Variants in ZSWIM2 observed in about 807,000 individuals in gnomAD.
ZSWIM2 encodes the protein E3 ubiquitin-protein ligase ZSWIM2.
A neutral mutation model predicts 48.4 loss-of-function variants in ZSWIM2; 38 were observed. That is an observed-to-expected ratio of 0.79 (90% CI 0.61 to 1.03). The LOEUF (loss-of-function observed/expected upper bound fraction) is 1.03. Ranked by LOEUF, ZSWIM2 falls within the 50% of genes least tolerant of loss-of-function variation. ZSWIM2 has a pLI of 0.00. For missense variants in ZSWIM2, 776 were observed against 730.2 expected (o/e 1.06, Z -0.72); for synonymous variants, 240 against 251.3 (o/e 0.96, Z 0.42).
At chr2:186,848,862 A>G (rs752418569) in intron 1 of ZSWIM2, 104 bp downstream of exon 1, 1 of 1,465,734 alleles carries the variant, frequency 6.8e-7, no homozygotes, top group South Asian at 1.2e-5. Flanking sequence ...GGCAGCAAGT[A>G]TCCGCAGAGA....
In ZSWIM2 at chr2:186,837,527, T is replaced by G. The variant is rs746050170; in HGVS notation, c.522A>C (p.Ile174=). 4.3e-6 allele frequency: 7 copies of G among 1,610,884 alleles called. No homozygotes were observed. In the East Asian group the frequency reaches 1.6e-4, roughly 36 times the overall value. ...AATTAGCTAAGATCTTCATGCATTT[T>G]ATATGAATACTATTGCCACAGCCAA... ...CRFGCGNSIH[I]KCMKILANYQ... Residue 174 remains isoleucine, a synonymous_variant, in exon 5 of 9, where the codon ATA becomes ATC. Coordinates refer to ENST00000295131, the MANE Select transcript of ZSWIM2 (RefSeq NM_182521.3).
chr2:186,845,287 C>T (rs1691977702), intron 2 of ZSWIM2, among the ~76,000 whole-genome samples: 1 of 151,290 alleles, frequency 6.6e-6, no homozygotes, highest in South Asian at 2.1e-4. Flanking sequence ...ATATGAAGCA[C>T]TTTGATTATA....
Position 186,828,130 on chromosome 2 carries a change from C to A in ZSWIM2, c.1756G>T (p.Ala586Ser). The A allele has an allele frequency of 6.2e-7, 1 of 1,613,524 alleles. No homozygotes were observed. Among genetic ancestry groups the A allele is most frequent in the Non-Finnish European group, 8.5e-7 (1 of 1,179,708 alleles). ...DFNLIVNWST[A>S]KLSLSKRYSN... ...TACCTTTTAGACAAACTAAGTTTAG[C>A]TGTGCTCCAATTGACAATAAGATTG... Residue 586 changes from alanine (A) to serine (S), a missense_variant, in exon 9 of 9, where the codon GCT becomes TCT. Transcript: ENST00000295131.
At chr2:186,842,439 C>G (rs1159840390) in intron 3 of ZSWIM2, among the ~76,000 whole-genome samples, 1 of 151,230 alleles carries the variant, frequency 6.6e-6, no homozygotes, top group African/African-American at 2.4e-5. Context: ...TATAAACTCT[C>G]AAATTATAAA....
At chr2:186,829,008 CTT>C (rs1292733159) in intron 8 of ZSWIM2, among the ~76,000 whole-genome samples, 9 of 151,960 alleles carry the variant, frequency 5.9e-5, no homozygotes, top group Non-Finnish European at 1.2e-4. Flanking sequence ...AATGCAAAGA[CTT>C]TTATGGATAG....
chr2:186,829,626 C>G (rs1378829651), intron 8 of ZSWIM2, 101 bp downstream of exon 8: 7 of 1,249,910 alleles, frequency 5.6e-6, no homozygotes, highest in Non-Finnish European at 6.7e-6. Context: ...CACCTCTGTA[C>G]AGAGCACAAC....
chr2:186,835,434 C>G (rs1691776437), intron 5 of ZSWIM2, among the ~76,000 whole-genome samples: 2 of 151,940 alleles, frequency 1.3e-5, no homozygotes, highest in Non-Finnish European at 2.9e-5. Context: ...AAAATATGTC[C>G]CTCAGACATC....
At chr2:186,846,922 G>A (rs771091166) in intron 2 of ZSWIM2, among the ~76,000 whole-genome samples, 4 of 151,442 alleles carry the variant, frequency 2.6e-5, no homozygotes, top group Non-Finnish European at 5.9e-5. Flanking sequence ...TAAATAATTC[G>A]GAAATAGAAA....
At chr2:186,846,808 C>CATATATATATATATATATATATATATAT (rs1264213432) in intron 2 of ZSWIM2, among the ~76,000 whole-genome samples, 110 of 50,206 alleles carry the variant, frequency 2.2e-3, no homozygotes, top group African/African-American at 5.4e-3. Flanking sequence ...CACACACACA[C>CATATATATATATATATATATATATATAT]ACATATATAT....
At chr2:186,836,547 T>A (rs1005592286) in intron 5 of ZSWIM2, among the ~76,000 whole-genome samples, 3 of 152,078 alleles carry the variant, frequency 2.0e-5, no homozygotes, top group Non-Finnish European at 4.4e-5. Context: ...AATATATATA[T>A]AAATTAGATT....
intron 2 of ZSWIM2, 66 bp downstream of exon 2, chr2:186,847,653 A>C: frequency 8.1e-7 from 1 of 1,233,978 alleles, no homozygotes; most frequent in Non-Finnish European, 1.1e-6. Flanking sequence ...AACCATGACA[A>C]AGGCAAAATA....
intron 7 of ZSWIM2, among the ~76,000 whole-genome samples, chr2:186,831,082 T>G (rs1047361712): frequency 9.2e-5 from 14 of 152,320 alleles, no homozygotes; most frequent in African/African-American, 3.4e-4. Flanking sequence ...CCATTTTCTC[T>G]GCCTAAAATG....
Position 186,844,342 on chromosome 2 carries a change from C to A in ZSWIM2, c.283+375G>T, listed in dbSNP as rs185755495. The stretch of plus-strand genomic sequence containing the variant: ...TGAATAAAATAATGTGCCATGCCAA[C>A]AGTCTATTTCTGGGATCTAAAAAAA... On this transcript the variant is annotated intron_variant, in intron 3 of 8. Coordinates refer to ENST00000295131, the MANE Select transcript of ZSWIM2 (RefSeq NM_182521.3). 2.0e-5 allele frequency among the ~76,000 whole-genome samples: 3 copies of A among 151,656 alleles called. No homozygotes were observed. In the East Asian group the frequency reaches 5.8e-4, roughly 29 times the overall value.
At chr2:186,839,236 A>G in intron 3 of ZSWIM2, 67 bp from the exon 4 acceptor site, 1 of 1,405,804 alleles carries the variant, frequency 7.1e-7, no homozygotes, top group South Asian at 1.3e-5. Flanking sequence ...GTAACAACTT[A>G]TGCTGAAAGT....
In ZSWIM2 at chr2:186,837,725, C is replaced by A. The variant is rs973146514; in HGVS notation, c.495-171G>T. The stretch of plus-strand genomic sequence containing the variant: ...CTGATTTTCAGCTATAGCTTGATTA[C>A]ACACACACACTCACTCATTCTAGTA... On this transcript the variant is annotated intron_variant, in intron 4 of 8. Transcript: ENST00000295131. Among the ~76,000 whole-genome samples, 3 of 149,824 alleles carry A rather than the reference C, an allele frequency of 2.0e-5. No individual in the cohort carries two copies. In the Admixed American group the frequency reaches 2.0e-4, roughly 10 times the overall value.
At chr2:186,842,367 T>A (rs1212684171) in intron 3 of ZSWIM2, among the ~76,000 whole-genome samples, 1 of 151,364 alleles carries the variant, frequency 6.6e-6, no homozygotes. Flanking sequence ...ATTTTCTCAA[T>A]GCCTACTAAT....
chr2:186,829,781 A>G lies in ZSWIM2; in HGVS notation c.1041T>C (p.Cys347=). Residue 347 remains cysteine, a synonymous_variant, in exon 8 of 9, where the codon TGT becomes TGC. Transcript: ENST00000295131. ...LLAPGYQCLL[C]LKAFHLGQHT... is the part of the protein sequence containing the mutation. The stretch of plus-strand genomic sequence containing the variant: ...GTTGACCAAGATGAAATGCCTTCAA[A>G]CAAAGTAGACACTGGTAGCCTGGAG... The G allele has an allele frequency of 6.2e-7, 1 of 1,613,618 alleles. No individual in the cohort carries two copies. Among genetic ancestry groups the G allele is most frequent in the Non-Finnish European group, 8.5e-7 (1 of 1,179,708 alleles).
rs1327852451 is a variant in ZSWIM2 at position 186,828,414 on chromosome 2, TG to T, written c.1471del (p.Gln491AsnfsTer51). On this transcript the variant is annotated frameshift_variant, in exon 9 of 9. Coordinates refer to ENST00000295131, the MANE Select transcript of ZSWIM2 (RefSeq NM_182521.3). LOFTEE classifies it low-confidence loss of function (END_TRUNC). ...ATCTTGAAGATACCTGGGAAAATGT[TG>T]GCTAATTTTATAATCATAGGTTAAT... ...KKLTYDYKIS[Q>X]HFPRYLQDLP... 2 of 1,613,624 alleles carry T rather than the reference TG, an allele frequency of 1.2e-6. No homozygotes were observed. The highest frequency in any genetic ancestry group is 3.3e-5 in the Admixed American group (2 of 59,922).
chr2:186,831,983 C>T (rs1691707654), intron 7 of ZSWIM2, among the ~76,000 whole-genome samples: 1 of 152,000 alleles, frequency 6.6e-6, no homozygotes, highest in African/African-American at 2.4e-5. Flanking sequence ...ATGTAACAAA[C>T]CTGCACGTTG....
Sources: allele counts gnomAD v4.1 joint callset (sites outside exome capture counted in the v4.1 genomes callset), GRCh38; gene constraint gnomAD v4.1.1; transcripts MANE v1.5; gene names NCBI Gene and HGNC (gene_info 2026-07-23, HGNC 2026-07-21).